NELL2: variants seen among roughly 807,000 people sequenced by gnomAD.
NELL2 encodes neural EGFL like 2.
A neutral mutation model predicts 109.6 loss-of-function variants in NELL2; 41 were observed. The observed-to-expected ratio is 0.37, with a 90% confidence interval of 0.29 to 0.49. NELL2 has a LOEUF of 0.49. NELL2 is among the 20% of genes least tolerant of loss of function. The probability of loss-of-function intolerance (pLI) is 0.98; values close to 1 mark genes in which losing one functional copy is unlikely to be tolerated. For missense variants in NELL2, 900 were observed against 1,008.3 expected (o/e 0.89, Z 1.45); for synonymous variants, 355 against 344.7 (o/e 1.03, Z -0.33).
intron 2 of NELL2, among the ~76,000 whole-genome samples, chr12:44,868,552 T>C (rs1945075465): frequency 6.6e-6 from 1 of 152,202 alleles, no homozygotes; most frequent in Non-Finnish European, 1.5e-5. Flanking sequence ...TGGAATACTA[T>C]TCCACCTCAA....
chr12:44,613,136 A>G (rs1245626952), intron 13 of NELL2, among the ~76,000 whole-genome samples: 1 of 152,026 alleles, frequency 6.6e-6, no homozygotes, highest in Non-Finnish European at 1.5e-5. Context: ...ATTACAATAA[A>G]ATGTCACGTA....
chr12:44,566,529 A>T (rs951437097), intron 15 of NELL2, among the ~76,000 whole-genome samples: 1 of 63,514 alleles, frequency 1.6e-5, no homozygotes, highest in Non-Finnish European at 3.0e-5. Context: ...GATATTACAC[A>T]TACTCACACA....
chr12:44,611,012 C>T, intron 13 of NELL2, 42 bp from the exon 14 acceptor site: 1 of 1,599,672 alleles, frequency 6.3e-7, no homozygotes, highest in Non-Finnish European at 8.5e-7. Context: ...AGTTATATTT[C>T]CAAAGCTATA....
intron 16 of NELL2, among the ~76,000 whole-genome samples, chr12:44,530,994 C>G (rs1394272508): frequency 6.6e-6 from 1 of 152,198 alleles, no homozygotes; most frequent in Non-Finnish European, 1.5e-5. Flanking sequence ...ATACAACCCA[C>G]TAGAGATTTG....
chr12:44,597,549 G>A (rs111495252), intron 15 of NELL2, among the ~76,000 whole-genome samples: 6 of 152,052 alleles, frequency 3.9e-5, no homozygotes, highest in Non-Finnish European at 4.4e-5. Flanking sequence ...ACTTAACTTC[G>A]AATCAGTAGC....
At chr12:44,676,596 T>C (rs1948328749) in intron 12 of NELL2, among the ~76,000 whole-genome samples, 1 of 152,142 alleles carries the variant, frequency 6.6e-6, no homozygotes, top group Admixed American at 6.6e-5. Flanking sequence ...TTCATTCATT[T>C]TGTAATTTCA....
At chr12:44,579,207 CA>C (rs1171213430) in intron 15 of NELL2, among the ~76,000 whole-genome samples, 1 of 152,162 alleles carries the variant, frequency 6.6e-6, no homozygotes, top group African/African-American at 2.4e-5. Context: ...ACTTTAGATT[CA>C]AACACATGGG....
intron 3 of NELL2, among the ~76,000 whole-genome samples, chr12:44,813,411 T>C (rs1196810303): frequency 6.6e-6 from 1 of 152,224 alleles, no homozygotes; most frequent in African/African-American, 2.4e-5. Flanking sequence ...CTACATAATT[T>C]ATAATTTCCT....
At chr12:44,762,398 G>T (rs908557697) in intron 9 of NELL2, among the ~76,000 whole-genome samples, 1 of 151,988 alleles carries the variant, frequency 6.6e-6, no homozygotes, top group African/African-American at 2.4e-5. Context: ...AATTCCTGTT[G>T]GCTCTACCTT....
Position 44,830,559 on chromosome 12 carries a change from A to G in NELL2, c.185-14423T>C, listed in dbSNP as rs536925695. On this transcript the variant is annotated intron_variant, in intron 2 of 19. Coordinates refer to ENST00000429094, the MANE Select transcript of NELL2 (RefSeq NM_001145108.2). Reference sequence around the variant, plus strand: ...GGGGCACATTGTAATCAACTTTTCAAACCAGAGTTTCAGACACCAGCCTTC... The same window carrying G: ...GGGGCACATTGTAATCAACTTTTCAGACCAGAGTTTCAGACACCAGCCTTC... Among the ~76,000 whole-genome samples the G allele has an allele frequency of 1.3e-4, 20 of 152,292 alleles. No individual in the cohort carries two copies. In the South Asian group the frequency reaches 1.4e-3, roughly 11 times the overall value.
intron 3 of NELL2, among the ~76,000 whole-genome samples, chr12:44,806,906 AC>A (rs1291984415): frequency 1.3e-5 from 2 of 151,808 alleles, no homozygotes; most frequent in Admixed American, 1.3e-4. Flanking sequence ...GGGGAGAGAT[AC>A]AAAAATGGTG....
chr12:44,852,432 G>GT (rs1216702547), intron 2 of NELL2, among the ~76,000 whole-genome samples: 1 of 152,104 alleles, frequency 6.6e-6, no homozygotes, highest in Non-Finnish European at 1.5e-5. Flanking sequence ...TCTATTCTGT[G>GT]TTTTTCCCCT....
intron 13 of NELL2, among the ~76,000 whole-genome samples, chr12:44,629,681 T>C (rs1324626529): frequency 1.3e-5 from 2 of 152,216 alleles, no homozygotes; most frequent in Non-Finnish European, 2.9e-5. Flanking sequence ...TTTTTACAAA[T>C]ATCATGGTAA....
At chr12:44,509,411 A>G (rs1286214625) in intron 19 of NELL2, among the ~76,000 whole-genome samples, 2 of 152,200 alleles carry the variant, frequency 1.3e-5, no homozygotes, top group East Asian at 3.8e-4. Flanking sequence ...GGTGCTATGA[A>G]CTAAATGTTT....
At chr12:44,668,523 T>G (rs988600537) in intron 12 of NELL2, among the ~76,000 whole-genome samples, 44 of 152,096 alleles carry the variant, frequency 2.9e-4, no homozygotes, top group African/African-American at 9.9e-4. Flanking sequence ...ACCATCATGG[T>G]TCTTGAGAGA....
At chr12:44,581,822 T>C (rs556100910) in intron 15 of NELL2, among the ~76,000 whole-genome samples, 122 of 152,158 alleles carry the variant, frequency 8.0e-4, no homozygotes, top group Non-Finnish European at 1.6e-3. Flanking sequence ...CAAGTTTTGA[T>C]TGTGGGCAAA....
chr12:44,801,081 C>G (rs1942812668), intron 3 of NELL2, among the ~76,000 whole-genome samples: 1 of 152,244 alleles, frequency 6.6e-6, no homozygotes, highest in Admixed American at 6.5e-5. Flanking sequence ...ACATCCCTAA[C>G]TAGAGGAAAC....
In NELL2 at chr12:44,825,454, G is replaced by A. The variant is rs112245905; in HGVS notation, c.185-9318C>T. Among the ~76,000 whole-genome samples, 573 of 137,092 alleles carry A rather than the reference G, an allele frequency of 4.2e-3. 4 individuals are homozygous for A. Among genetic ancestry groups the A allele is most frequent in the African/African-American group, 0.014 (525 of 36,436 alleles). 89.9% of individuals were successfully genotyped at this position (137,092 alleles called of 152,430 possible). On this transcript the variant is annotated intron_variant, in intron 2 of 19. Transcript: ENST00000429094. ...CTCTGTCACCAGGCTGGAGTGCAGT[G>A]GTGCAATCTCATCTCACTGCAACCT...
rs117418790 is a variant in NELL2, at chr12:44,822,054, C to T, written c.185-5918G>A. 6.7e-4 allele frequency among the ~76,000 whole-genome samples: 102 copies of T among 152,158 alleles called. 3 individuals carry two copies. In the East Asian group the frequency reaches 0.019, roughly 29 times the overall value. The stretch of plus-strand genomic sequence containing the variant: ...TTTCTGGGATTACAGGCATGAGCCA[C>T]CGCATCTGGCAAAAATTTTAATTTA... On this transcript the variant is annotated intron_variant, in intron 2 of 19. Transcript: ENST00000429094.
Sources: allele counts gnomAD v4.1 joint callset (sites outside exome capture counted in the v4.1 genomes callset), GRCh38; gene constraint gnomAD v4.1.1; transcripts MANE v1.5; gene names NCBI Gene and HGNC (gene_info 2026-07-23, HGNC 2026-07-21).